The following OR3A2 variants were observed in gnomAD, a reference collection of about 807,000 sequenced individuals.
The protein encoded by OR3A2 is olfactory receptor 3A2.
For missense variants in OR3A2, 318 were observed against 392.8 expected (o/e 0.81, Z 1.61); for synonymous variants, 126 against 159.3 (o/e 0.79, Z 1.57).
At chr17:3,327,552 T>C (rs957514820) in intron 3 of OR3A2, among the ~76,000 whole-genome samples, 1 of 127,210 alleles carries the variant, frequency 7.9e-6, no homozygotes, top group Non-Finnish European at 1.6e-5. Flanking sequence ...CAGAAGCTCT[T>C]TAGTTTAATT....
At chr17:3,367,125 T>C (rs1172236048) in intron 2 of OR3A2, among the ~76,000 whole-genome samples, 2 of 152,204 alleles carry the variant, frequency 1.3e-5, no homozygotes, top group East Asian at 1.9e-4. Context: ...TGGGAAGCAA[T>C]GACCTATCAG....
chr17:3,342,734 G>T (rs2049330045), intron 2 of OR3A2, among the ~76,000 whole-genome samples: 1 of 152,226 alleles, frequency 6.6e-6, no homozygotes, highest in African/African-American at 2.4e-5. Flanking sequence ...CTACCTGGGG[G>T]TCAGGGACCC....
At chr17:3,306,709 T>G (rs2049003384) in intron 3 of OR3A2, among the ~76,000 whole-genome samples, 1 of 141,156 alleles carries the variant, frequency 7.1e-6, no homozygotes, top group African/African-American at 2.9e-5. Context: ...TAACCCCTTT[T>G]ATTTTCTCCA....
intron 2 of OR3A2, among the ~76,000 whole-genome samples, chr17:3,359,403 G>C (rs948733775): frequency 6.6e-6 from 1 of 151,626 alleles, no homozygotes; most frequent in Non-Finnish European, 1.5e-5. Flanking sequence ...TTTTGTATTA[G>C]CTGGCAGTAG....
intron 3 of OR3A2, among the ~76,000 whole-genome samples, chr17:3,319,472 C>G (rs1423585522): frequency 6.6e-6 from 1 of 151,932 alleles, no homozygotes; most frequent in African/African-American, 2.4e-5. Flanking sequence ...GTGTGCTGCA[C>G]CCATTAACTC....
At chr17:3,283,343 A>G (rs1437403521) in intron 1 of OR3A2, among the ~76,000 whole-genome samples, 2 of 152,106 alleles carry the variant, frequency 1.3e-5, no homozygotes, top group African/African-American at 4.8e-5. Flanking sequence ...CTCCTGCCTC[A>G]GCCTTCTGAG....
At chr17:3,372,508 C>T (rs556172655) in intron 2 of OR3A2, among the ~76,000 whole-genome samples, 16 of 151,940 alleles carry the variant, frequency 1.1e-4, no homozygotes, top group African/African-American at 2.2e-4. Flanking sequence ...GCTGAGATCA[C>T]GCCACTGCAC....
chr17:3,291,563 T>G lies in OR3A2; in HGVS notation c.-84-12410A>C. The G allele has an allele frequency of 3.2e-6, 4 of 1,250,756 alleles. No homozygotes were observed. The South Asian group carries it at 6.1e-5, about 19-fold the overall frequency. The allele number at this position is 1,250,756 out of a possible 1,614,324, so 77.5% of individuals were successfully genotyped here. A position where few individuals can be genotyped will look rare whatever the true frequency, so the allele number is the denominator to read the frequency against. On this transcript the variant is annotated intron_variant, in intron 3 of 4. Coordinates refer to the OR3A2 transcript ENST00000573491. ...CAGAAACAGGTGTGAACCATTTTTT[T>G]CCTAGTTTCTGGCTCTAGAAGACTT... is the stretch of plus-strand genomic sequence containing the variant.
At chr17:3,333,192 T>G (rs2049253526) in intron 3 of OR3A2, among the ~76,000 whole-genome samples, 1 of 152,180 alleles carries the variant, frequency 6.6e-6, no homozygotes, top group African/African-American at 2.4e-5. Flanking sequence ...GCATCTGTCT[T>G]ATGCAGTTGA....
chr17:3,280,806 G>A (rs2048772506), intron 1 of OR3A2, among the ~76,000 whole-genome samples: 1 of 152,218 alleles, frequency 6.6e-6, no homozygotes, highest in South Asian at 2.1e-4. Context: ...AAATGCTGTA[G>A]CAGCAGTATG....
At chr17:3,318,363 G>T (rs911542277) in intron 3 of OR3A2, among the ~76,000 whole-genome samples, 1 of 152,206 alleles carries the variant, frequency 6.6e-6, no homozygotes, top group African/African-American at 2.4e-5. Flanking sequence ...GCCAATTAGT[G>T]ATGGGGGAGT....
In OR3A2 at chr17:3,311,305, C is replaced by G; in HGVS notation, c.-85+24728G>C. Reference sequence around the variant, plus strand: ...TGCCTGCAGTTCACAGCTCTTCTTTCCCCACCTCCTGGCTGGGGTGGACTG... The same window carrying G: ...TGCCTGCAGTTCACAGCTCTTCTTTGCCCACCTCCTGGCTGGGGTGGACTG... On this transcript the variant is annotated intron_variant, in intron 3 of 4. Coordinates refer to the OR3A2 transcript ENST00000573491. This position sits in a 1 kb window ranked among gnomAD's most constrained non-coding sequence, Gnocchi z 4.6. The G allele has an allele frequency of 1.9e-6, 1 of 528,148 alleles. No individual in the cohort carries two copies. The highest frequency in any genetic ancestry group is 3.9e-6 in the Non-Finnish European group (1 of 257,456). 32.7% of individuals were successfully genotyped at this position (528,148 alleles called of 1,614,324 possible). A position where few individuals can be genotyped will look rare whatever the true frequency, so the allele number is the denominator to read the frequency against.
At chr17:3,292,598 AACATCC>A in intron 3 of OR3A2, 1 of 1,575,906 alleles carries the variant, frequency 6.3e-7, no homozygotes, top group Non-Finnish European at 8.7e-7. Flanking sequence ...CCTGCAAAGA[AACATCC>A]AGGGAGGAAA....
In OR3A2 at chr17:3,350,105, A is replaced by C. The variant is rs1034789572; in HGVS notation, c.-178-13979T>G. Among the ~76,000 whole-genome samples the C allele has an allele frequency of 8.0e-5, 12 of 150,914 alleles. No homozygotes were observed. In the East Asian group the frequency reaches 9.7e-4, roughly 12 times the overall value. ...GGAAAGATCCAAAATTGACACCCTA[A>C]CATCACAATTAAAAGAACTAGAAAA... On this transcript the variant is annotated intron_variant, in intron 2 of 4. Coordinates refer to the OR3A2 transcript ENST00000573491.
chr17:3,369,090 T>C (rs1325514557), intron 2 of OR3A2, among the ~76,000 whole-genome samples: 2 of 152,222 alleles, frequency 1.3e-5, no homozygotes, highest in Admixed American at 6.5e-5. Context: ...TGATTATGTA[T>C]CCTGAAAGTT....
chr17:3,337,780 G>A (rs1002563898), intron 2 of OR3A2, among the ~76,000 whole-genome samples: 1 of 152,156 alleles, frequency 6.6e-6, no homozygotes, highest in Non-Finnish European at 1.5e-5. Context: ...AGTCCTTGGG[G>A]TATATACCCA....
chr17:3,300,746 G>A (rs2048957150), intron 3 of OR3A2, among the ~76,000 whole-genome samples: 1 of 151,562 alleles, frequency 6.6e-6, no homozygotes. Context: ...CAATGTGCAG[G>A]TTTGTTACAT....
intron 2 of OR3A2, among the ~76,000 whole-genome samples, chr17:3,341,103 G>C (rs1199127968): frequency 2.0e-5 from 3 of 151,852 alleles, no homozygotes; most frequent in African/African-American, 7.3e-5. Flanking sequence ...CTTGTTTTTT[G>C]CTTTCCATTT....
At chr17:3,297,219 G>T (rs1237151745) in intron 3 of OR3A2, among the ~76,000 whole-genome samples, 3 of 152,120 alleles carry the variant, frequency 2.0e-5, no homozygotes, top group South Asian at 2.1e-4. Context: ...AATTCCTGTT[G>T]TATCACCCTC....
Sources: gnomAD v4.1 joint callset for allele counts (sites outside exome capture counted in the v4.1 genomes callset) on GRCh38, gnomAD v4.1.1 for gene constraint, Gnocchi (gnomAD v3.1) non-coding constraint, MANE v1.5 for transcripts, NCBI Gene and HGNC (gene_info 2026-07-23, HGNC 2026-07-21) for gene names.